HCLS1: variants seen among roughly 807,000 people sequenced by gnomAD.
HCLS1 encodes hematopoietic cell-specific Lyn substrate 1.
A neutral mutation model predicts 68.6 loss-of-function variants in HCLS1; 44 were observed. The ratio of observed to expected loss-of-function variants is 0.64; its 90% CI spans 0.50 to 0.82. The LOEUF (loss-of-function observed/expected upper bound fraction) is 0.82. Ranked by LOEUF, HCLS1 falls within the 40% of genes least tolerant of loss-of-function variation. The probability of loss-of-function intolerance (pLI) is 0.00; values close to 1 mark genes in which losing one functional copy is unlikely to be tolerated. For missense variants in HCLS1, 602 were observed against 612.1 expected (o/e 0.98, Z 0.17); for synonymous variants, 217 against 225.8 (o/e 0.96, Z 0.35).
intron 4 of HCLS1, among the ~76,000 whole-genome samples, chr3:121,646,989 T>A (rs185446939): frequency 0.011 from 1,643 of 146,232 alleles, 14 homozygotes; most frequent in Non-Finnish European, 0.014. Flanking sequence ...TTATTTATTT[T>A]TTTTTTTTTT....
intron 9 of HCLS1, among the ~76,000 whole-genome samples, chr3:121,635,235 TTTTCTCTCTC>T (rs1560137401): frequency 1.2e-5 from 1 of 81,480 alleles, no homozygotes; most frequent in East Asian, 4.3e-4. Flanking sequence ...CTTCTCTCCC[TTTTCTCTCTC>T]TCTCTCTCTC....
chr3:121,632,007 T>C, intron 13 of HCLS1, 25 bp from the exon 14 acceptor site: 1 of 1,614,112 alleles, frequency 6.2e-7, no homozygotes, highest in Non-Finnish European at 8.5e-7. Flanking sequence ...GAGGGGATAT[T>C]AGAATGGTCA....
chr3:121,646,980 T>C (rs1937619565), intron 4 of HCLS1, among the ~76,000 whole-genome samples: 1 of 146,058 alleles, frequency 6.8e-6, no homozygotes, highest in Admixed American at 6.9e-5. Context: ...TTATTTATTT[T>C]ATTTATTTTT....
chr3:121,657,345 A>T lies in HCLS1; in HGVS notation c.92T>A (p.Ile31Asn). 1 of 1,613,964 alleles carries T rather than the reference A, an allele frequency of 6.2e-7. No individual in the cohort carries two copies. Among genetic ancestry groups the T allele is most frequent in the Non-Finnish European group, 8.5e-7 (1 of 1,179,912 alleles). ...WDTDPDFVND[I>N]SEKEQRWGAK... ...TCCCCATCGTTGCTCCTTTTCAGAG[A>T]TGTCATTCTGCAAACGACAGCACGC... The change falls in exon 3 of 14, where the codon ATC (isoleucine) becomes AAC (asparagine). Residue 31 changes from isoleucine to asparagine, a missense_variant. By Grantham distance (149) the Ile-to-Asn change is moderately radical (BLOSUM62 -3). Coordinates refer to ENST00000314583, the MANE Select transcript of HCLS1 (RefSeq NM_005335.6).
intron 6 of HCLS1, among the ~76,000 whole-genome samples, 166 bp from the exon 7 acceptor site, chr3:121,637,422 T>A (rs2049160885): frequency 6.6e-6 from 1 of 152,178 alleles, no homozygotes. Flanking sequence ...TTAAGTAGTC[T>A]TTTAATTGAA....
At chr3:121,644,014 T>C (rs931720832) in intron 5 of HCLS1, 1 of 152,756 alleles carries the variant, frequency 6.5e-6, no homozygotes, top group Non-Finnish European at 1.5e-5. Flanking sequence ...ATTAATTTTC[T>C]AGAACTTAGC....
chr3:121,644,479 GT>G, intron 5 of HCLS1: 3 of 381,280 alleles, frequency 7.9e-6, no homozygotes, highest in South Asian at 4.3e-5. Context: ...TATTTATAAG[GT>G]TTTGATGTTA....
rs1384980312 is a variant in HCLS1, at chr3:121,644,926, A to G, written c.291T>C (p.Ser97=). ...FGVERDRMDK[S]AVGHEYVAEV... ...CGGCAACATACTCATGGCCCACTGC[A>G]CTCTGAGAAAAATCAAGGATGGAGT... The change falls in exon 5 of 14, where the codon AGT becomes AGC. Residue 97 remains serine, a splice_region_variant and synonymous_variant. Transcript: ENST00000314583. 1 of 1,610,812 alleles carries G rather than the reference A, an allele frequency of 6.2e-7. No individual in the cohort carries two copies. Among genetic ancestry groups the G allele is most frequent in the Non-Finnish European group, 8.5e-7 (1 of 1,177,096 alleles).
intron 6 of HCLS1, among the ~76,000 whole-genome samples, chr3:121,638,648 A>T (rs1455229705): frequency 6.6e-6 from 1 of 152,184 alleles, no homozygotes; most frequent in African/African-American, 2.4e-5. Flanking sequence ...CACTTATGTG[A>T]TGCAGGAATT....
Position 121,635,772 on chromosome 3 carries a change from C to T in HCLS1, c.654G>A (p.Pro218=), listed in dbSNP as rs773755604. ...GCGTCGTCTTCTTATAAGCTGTGGT[C>T]GGGGCCTCCATTTCATTGAAGCCGA... ...SAVGFNEMEA[P]TTAYKKTTPI... is the part of the protein sequence containing the mutation. Residue 218 remains proline (P), a synonymous_variant, in exon 9 of 14, where the codon CCG becomes CCA. Coordinates refer to ENST00000314583, the MANE Select transcript of HCLS1 (RefSeq NM_005335.6). 9.3e-6 allele frequency: 15 copies of T among 1,613,914 alleles called. No homozygotes were observed. Among genetic ancestry groups the T allele is most frequent in the African/African-American group, 5.3e-5 (4 of 74,874 alleles).
intron 7 of HCLS1, 36 bp downstream of exon 7, chr3:121,637,110 C>T: frequency 7.3e-7 from 1 of 1,374,688 alleles, no homozygotes; most frequent in Non-Finnish European, 1.0e-6. Context: ...GATCCCTGTG[C>T]TATCTGTGAC....
At chr3:121,650,343 A>G (rs1001490146) in intron 3 of HCLS1, among the ~76,000 whole-genome samples, 2 of 151,902 alleles carry the variant, frequency 1.3e-5, no homozygotes, top group African/African-American at 2.4e-5. Context: ...GTGAAAATGT[A>G]AAGTCCTGGA....
chr3:121,644,721 C>G (rs1362895259), intron 5 of HCLS1, 97 bp downstream of exon 5: 1 of 878,266 alleles, frequency 1.1e-6, no homozygotes, highest in Non-Finnish European at 2.0e-6. Flanking sequence ...ACTGTCCTGT[C>G]TTTCAACAAA....
chr3:121,631,803 T>C lies in HCLS1; in HGVS notation c.*43A>G, dbSNP rs111914785. On this transcript the variant is annotated 3_prime_UTR_variant, in exon 14 of 14. Coordinates refer to ENST00000314583, the MANE Select transcript of HCLS1 (RefSeq NM_005335.6). ...GGGAGGGGGTGGAGGCAGAGCCACT[T>C]TGGACATGGGAAATCACAGTTGCAG... is the stretch of plus-strand genomic sequence containing the variant. 6,577 of 1,609,834 alleles carry C rather than the reference T, an allele frequency of 4.1e-3. 13 individuals carry two copies. The highest frequency in any genetic ancestry group is 5.1e-3 in the Non-Finnish European group (5,993 of 1,176,588).
Position 121,632,352 on chromosome 3 carries a change from G to T in HCLS1, c.1220C>A (p.Ser407Tyr). 1.2e-6 allele frequency: 2 copies of T among 1,614,134 alleles called. No homozygotes were observed. Among genetic ancestry groups the T allele is most frequent in the African/African-American group, 2.7e-5 (2 of 75,030 alleles). Reference sequence around the variant, plus strand: ...CTCACCAGCCAGAGCAGAAGAAAAAGAAGAATCTTCAGGCTCGAGCACCTC... The same window carrying T: ...CTCACCAGCCAGAGCAGAAGAAAAATAAGAATCTTCAGGCTCGAGCACCTC... ...YEEVLEPEDS[S>Y]FSSALAGSSG... Residue 407 changes from serine to tyrosine, a missense_variant, in exon 12 of 14, where the codon TCT (serine) becomes TAT (tyrosine). Physicochemically the swap from Ser to Tyr is moderately radical, Grantham distance 144. Transcript: ENST00000314583.
intron 3 of HCLS1, chr3:121,655,944 G>T (rs1329518036): frequency 6.6e-6 from 1 of 151,696 alleles, no homozygotes; most frequent in Non-Finnish European, 1.5e-5. Context: ...TGCCTCCTGG[G>T]TTCAAGAGAC....
intron 1 of HCLS1, among the ~76,000 whole-genome samples, chr3:121,659,382 G>A (rs1183958962): frequency 6.6e-6 from 1 of 152,142 alleles, no homozygotes; most frequent in Non-Finnish European, 1.5e-5. Context: ...TTGCTAGCTG[G>A]CAATCCTTCC....
chr3:121,650,311 A>C (rs1937717311), intron 3 of HCLS1, among the ~76,000 whole-genome samples: 1 of 152,132 alleles, frequency 6.6e-6, no homozygotes, highest in South Asian at 2.1e-4. Flanking sequence ...GTAGGAATTG[A>C]CTAGTGAATT....
At chr3:121,657,024 G>A in intron 3 of HCLS1, 1 of 369,634 alleles carries the variant, frequency 2.7e-6, no homozygotes. Flanking sequence ...AGACCCACTT[G>A]GGGAAATAGC....
Sources: allele counts gnomAD v4.1 joint callset (sites outside exome capture counted in the v4.1 genomes callset), GRCh38; gene constraint gnomAD v4.1.1; transcripts MANE v1.5; gene names NCBI Gene and HGNC (gene_info 2026-07-23, HGNC 2026-07-21).